Variants in WNT11 observed in about 807,000 individuals in gnomAD.
WNT11 encodes the protein Wnt family member 11.
A neutral mutation model predicts 35.6 loss-of-function variants in WNT11; 20 were observed. That is an observed-to-expected ratio of 0.56 (90% CI 0.40 to 0.82). The LOEUF (loss-of-function observed/expected upper bound fraction) is 0.82, where lower values mean the gene tolerates loss of function less well. WNT11 is among the 40% of genes least tolerant of loss of function. The probability of loss-of-function intolerance (pLI) is 0.00; values close to 1 mark genes in which losing one functional copy is unlikely to be tolerated. For synonymous variants in WNT11, 200 were observed against 211.9 expected (o/e 0.94, Z 0.49); for missense variants, 459 against 504.4 (o/e 0.91, Z 0.86).
chr11:76,206,474 G>T lies in WNT11; in HGVS notation c.-67C>A, dbSNP rs1298132756. Reference sequence around the variant, plus strand: ...CCGCGCCGAAGTCCTCCGCCTGCACGGCCGCCGCTGGTCCTGCACGCCGCC... The same window carrying T: ...CCGCGCCGAAGTCCTCCGCCTGCACTGCCGCCGCTGGTCCTGCACGCCGCC... On this transcript the variant is annotated 5_prime_UTR_variant, in exon 1 of 5. Transcript: ENST00000322563. 8.3e-6 allele frequency: 11 copies of T among 1,319,332 alleles called. No individual in the cohort carries two copies. The highest frequency in any genetic ancestry group is 9.6e-6 in the Non-Finnish European group (10 of 1,036,332). The allele number at this position is 1,319,332 out of a possible 1,614,324, so 81.7% of individuals were successfully genotyped here.
At position 76,186,906 on chromosome 11, in the gene WNT11, TG is replaced by T; in HGVS notation, c.*158del. 3 of 1,114,302 alleles carry T rather than the reference TG, an allele frequency of 2.7e-6. No homozygotes were observed. The highest frequency in any genetic ancestry group is 3.9e-6 in the Non-Finnish European group (3 of 762,798). The allele number at this position is 1,114,302 out of a possible 1,614,324, so 69.0% of individuals were successfully genotyped here. On this transcript the variant is annotated 3_prime_UTR_variant, in exon 5 of 5. Coordinates refer to ENST00000322563, the MANE Select transcript of WNT11 (RefSeq NM_004626.3). ...CCAGGGTGGCCAGACCTTCTGTTCCTGGTGGCTTCCAAGTGAAGGCAAAGCA... is the reference window on the plus strand; with the variant it reads ...CCAGGGTGGCCAGACCTTCTGTTCCTGTGGCTTCCAAGTGAAGGCAAAGCA...
upstream of WNT11, among the ~76,000 whole-genome samples, chr11:76,208,130 GT>G (rs1272154324): frequency 3.9e-5 from 6 of 152,212 alleles, no homozygotes; most frequent in East Asian, 1.2e-3. Context: ...TTCGCCGTGC[GT>G]CCCCCGAGGA....
At chr11:76,202,249 G>C (rs1019497760) in intron 1 of WNT11, among the ~76,000 whole-genome samples, 1 of 152,178 alleles carries the variant, frequency 6.6e-6, no homozygotes, top group African/African-American at 2.4e-5. Context: ...CGATGAGAGA[G>C]ACCCTGATGC....
upstream of WNT11, among the ~76,000 whole-genome samples, chr11:76,209,393 GCCGGC>G (rs58324814): frequency 0.79 from 119,295 of 151,558 alleles, 47,187 homozygotes; most frequent in East Asian, 0.98. Context: ...ACCAGGCCAC[GCCGGC>G]CCGGCGAGGA....
intron 1 of WNT11, among the ~76,000 whole-genome samples, chr11:76,204,796 G>A (rs974266090): frequency 3.9e-5 from 6 of 152,044 alleles, no homozygotes; most frequent in East Asian, 1.9e-4. Flanking sequence ...GCAGGGTCTC[G>A]GTGTTCCCAC....
chr11:76,190,038 C>A (rs1438543171), intron 4 of WNT11, among the ~76,000 whole-genome samples: 1 of 141,434 alleles, frequency 7.1e-6, no homozygotes, highest in East Asian at 1.9e-4. Context: ...AGGGGCCTGG[C>A]AGCCTGAGGG....
rs1266452703 is a variant in WNT11 at position 76,187,161 on chromosome 11, G to C, written c.969C>G (p.Asp323Glu). Residue 323 changes from aspartate to glutamate, a missense_variant, in exon 5 of 5, where the codon GAC (aspartate) becomes GAG (glutamate). Transcript: ENST00000322563. ...TACAGTGGCACCGCTCGACCACGCG[G>C]TCTGTGTAGGGGTTGTAGCCACGCC... is the stretch of plus-strand genomic sequence containing the variant. ...CCGRGYNPYTDRVVERCHCKY... is the reference protein window; with the variant it reads ...CCGRGYNPYTERVVERCHCKY... The C allele has an allele frequency of 6.2e-7, 1 of 1,611,684 alleles. No homozygotes were observed.
intron 4 of WNT11, among the ~76,000 whole-genome samples, chr11:76,187,440 G>C (rs1043778153): frequency 6.6e-6 from 1 of 152,168 alleles, no homozygotes; most frequent in African/African-American, 2.4e-5. Context: ...TTTCTAATAA[G>C]GGGTTACCAA....
chr11:76,193,724 A>C (rs1224010124), intron 3 of WNT11, among the ~76,000 whole-genome samples: 1 of 152,192 alleles, frequency 6.6e-6, no homozygotes, highest in Non-Finnish European at 1.5e-5. Flanking sequence ...TGAGCCGCTG[A>C]AGTGCTTTCA....
chr11:76,195,570 G>A (rs185479756), intron 2 of WNT11, among the ~76,000 whole-genome samples: 5 of 152,312 alleles, frequency 3.3e-5, no homozygotes, highest in South Asian at 2.1e-4. Flanking sequence ...TCAGACTTCC[G>A]GCCTCCAGAA....
At chr11:76,197,640 TG>T (rs1471125887) in intron 1 of WNT11, among the ~76,000 whole-genome samples, 1 of 152,170 alleles carries the variant, frequency 6.6e-6, no homozygotes, top group Non-Finnish European at 1.5e-5. Context: ...CAGAGCCCTT[TG>T]CTTGAGGCTG....
intron 4 of WNT11, among the ~76,000 whole-genome samples, chr11:76,190,052 G>A (rs1375142151): frequency 6.9e-5 from 5 of 72,206 alleles, no homozygotes; most frequent in Admixed American, 1.1e-4. Flanking sequence ...CTGAGGGCAC[G>A]GGGGAGGGGA....
At chr11:76,191,920 C>T in intron 3 of WNT11, 64 bp from the exon 4 acceptor site, 1 of 1,513,504 alleles carries the variant, frequency 6.6e-7, no homozygotes. Flanking sequence ...ACCCGGGACC[C>T]CAGCCCCACC....
At chr11:76,204,814 C>T (rs759049149) in intron 1 of WNT11, among the ~76,000 whole-genome samples, 96 of 151,926 alleles carry the variant, frequency 6.3e-4, no homozygotes, top group Admixed American at 1.5e-3. Flanking sequence ...CACTGTGGAG[C>T]AGGGATGATG....
intron 1 of WNT11, among the ~76,000 whole-genome samples, chr11:76,203,752 G>T (rs1176907412): frequency 6.6e-6 from 1 of 152,232 alleles, no homozygotes; most frequent in Non-Finnish European, 1.5e-5. Flanking sequence ...TTGGCTTTCA[G>T]TTCCTGTGCC....
chr11:76,200,065 G>A (rs1230541698), intron 1 of WNT11, among the ~76,000 whole-genome samples: 1 of 152,084 alleles, frequency 6.6e-6, no homozygotes, highest in Non-Finnish European at 1.5e-5. Context: ...GCTCTGCCAT[G>A]TCCCACCCAC....
rs1308328727 is a variant in WNT11 at position 76,191,859 on chromosome 11, G to A, written c.598-3C>T. 6 of 1,593,356 alleles carry A rather than the reference G, an allele frequency of 3.8e-6. No individual in the cohort carries two copies. The Admixed American group carries it at 8.3e-5, about 22-fold the overall frequency. ...ATTTCCAGAGAGGCGCGCAGAGCCT[G>A]CGGACAGGGGAAGGCGTCAGCTGGG... On this transcript the variant is annotated splice_polypyrimidine_tract_variant and splice_region_variant and intron_variant, in intron 3 of 4. Coordinates refer to ENST00000322563, the MANE Select transcript of WNT11 (RefSeq NM_004626.3).
chr11:76,194,841 G>C lies in WNT11; in HGVS notation c.323C>G (p.Thr108Ser). Reference protein sequence around the residue: ...PNYLLDLERGTRESAFVYALS... With the variant: ...PNYLLDLERGSRESAFVYALS... ...CGCATACACGAAGGCCGACTCCCGG[G>C]TCCCTGAGGGTGGGAGGGGAAGGTC... Residue 108 changes from threonine to serine, a missense_variant, in exon 3 of 5, where the codon ACC becomes AGC. Transcript: ENST00000322563. The surrounding 1 kb of genome is among the most constrained non-coding windows in gnomAD (Gnocchi z 5.4). 2 of 1,503,936 alleles carry C rather than the reference G, an allele frequency of 1.3e-6. No individual in the cohort carries two copies. The highest frequency in any genetic ancestry group is 2.6e-5 in the South Asian group (2 of 76,830). The allele number at this position is 1,503,936 out of a possible 1,614,324, so 93.2% of individuals were successfully genotyped here. A position where few individuals can be genotyped will look rare whatever the true frequency, so the allele number is the denominator to read the frequency against.
At chr11:76,205,143 G>C (rs538963523) in intron 1 of WNT11, among the ~76,000 whole-genome samples, 1 of 152,302 alleles carries the variant, frequency 6.6e-6, no homozygotes, top group South Asian at 2.1e-4. Context: ...GGAAGACGGG[G>C]TTCCCTCCTC....
Sources: gnomAD v4.1 joint callset for allele counts (sites outside exome capture counted in the v4.1 genomes callset) on GRCh38, gnomAD v4.1.1 for gene constraint, Gnocchi (gnomAD v3.1) non-coding constraint, MANE v1.5 for transcripts, NCBI Gene and HGNC (gene_info 2026-07-23, HGNC 2026-07-21) for gene names.